The following IMMP2L variants were observed in gnomAD, a reference collection of about 807,000 sequenced individuals.
IMMP2L encodes inner mitochondrial membrane peptidase subunit 2.
In IMMP2L, 18 loss-of-function variants were observed where a neutral mutation model predicts 19.3. That is an observed-to-expected ratio of 0.93 (90% CI 0.64 to 1.38). IMMP2L has a LOEUF of 1.38. IMMP2L is among the 40% of genes most tolerant of loss of function. IMMP2L has a pLI of 0.00. For synonymous variants in IMMP2L, 76 were observed against 73.0 expected (o/e 1.04, Z -0.21); for missense variants, 233 against 218.2 (o/e 1.07, Z -0.43).
intron 3 of IMMP2L, among the ~76,000 whole-genome samples, chr7:111,049,553 C>G (rs61079368): frequency 6.6e-6 from 1 of 152,284 alleles, no homozygotes. Flanking sequence ...GTTGTCATTA[C>G]TTCAGAATGT....
intron 5 of IMMP2L, among the ~76,000 whole-genome samples, chr7:110,864,191 C>T (rs1357058283): frequency 1.3e-5 from 2 of 151,858 alleles, no homozygotes; most frequent in Admixed American, 6.6e-5. Flanking sequence ...AGAAAAATAC[C>T]AAAGTTCAGT....
At chr7:111,141,932 G>T (rs1375909961) in intron 3 of IMMP2L, among the ~76,000 whole-genome samples, 2 of 152,046 alleles carry the variant, frequency 1.3e-5, no homozygotes, top group East Asian at 3.9e-4. Flanking sequence ...TCGAACTCTT[G>T]GCCTCAAGAG....
intron 1 of IMMP2L, among the ~76,000 whole-genome samples, chr7:111,549,582 ATCT>A (rs1287892026): frequency 2.0e-5 from 3 of 152,198 alleles, no homozygotes; most frequent in Non-Finnish European, 4.4e-5. Flanking sequence ...GTCTCAAAAA[ATCT>A]TCTAATATGT....
chr7:110,694,565 C>T (rs12056219), intron 5 of IMMP2L, among the ~76,000 whole-genome samples: 33,172 of 151,942 alleles, frequency 0.22, 4,127 homozygotes, highest in Non-Finnish European at 0.28. Flanking sequence ...ATTATTAAGG[C>T]TTTCTGAGAA....
At chr7:111,218,012 A>G (rs1461682881) in intron 3 of IMMP2L, among the ~76,000 whole-genome samples, 22 of 152,020 alleles carry the variant, frequency 1.4e-4, no homozygotes, top group Non-Finnish European at 1.3e-4. Context: ...GGAAAATGCT[A>G]TTGCCTTTTT....
intron 3 of IMMP2L, among the ~76,000 whole-genome samples, chr7:111,415,062 G>A (rs746940872): frequency 2.6e-5 from 4 of 151,862 alleles, no homozygotes; most frequent in Non-Finnish European, 5.9e-5. Context: ...CTTCGAGTTT[G>A]TCAAAACAGA....
At chr7:111,085,952 A>G (rs1796286426) in intron 3 of IMMP2L, among the ~76,000 whole-genome samples, 2 of 152,142 alleles carry the variant, frequency 1.3e-5, no homozygotes, top group Non-Finnish European at 2.9e-5. Flanking sequence ...ATCAACAGCC[A>G]CTGGTGCCTC....
At chr7:111,487,387 A>C in intron 2 of IMMP2L, 46 bp from the exon 3 acceptor site, 2 of 1,129,564 alleles carry the variant, frequency 1.8e-6, no homozygotes, top group Non-Finnish European at 2.7e-6. Flanking sequence ...TGTATTTTTC[A>C]ATCTTCATGG....
intron 3 of IMMP2L, among the ~76,000 whole-genome samples, chr7:111,187,911 A>T (rs749899389): frequency 1.1e-4 from 17 of 152,280 alleles, no homozygotes; most frequent in Admixed American, 2.0e-4. Context: ...AGTTAGAGTA[A>T]GATTTACATC....
chr7:111,051,592 T>C (rs2129572971), intron 3 of IMMP2L, among the ~76,000 whole-genome samples: 1 of 152,260 alleles, frequency 6.6e-6, no homozygotes, highest in South Asian at 2.1e-4. Flanking sequence ...TATTTGAAAA[T>C]CTCCTGGGGA....
At chr7:111,352,034 A>G (rs1174665580) in intron 3 of IMMP2L, among the ~76,000 whole-genome samples, 2 of 152,166 alleles carry the variant, frequency 1.3e-5, no homozygotes, top group Non-Finnish European at 2.9e-5. Context: ...TACTTTTTCC[A>G]GTTGCATTTT....
chr7:111,500,559 T>G (rs1362172182), intron 2 of IMMP2L, among the ~76,000 whole-genome samples: 1 of 152,150 alleles, frequency 6.6e-6, no homozygotes. Context: ...CATCCGCCAG[T>G]ACGGGCAGAC....
At chr7:110,793,651 C>T (rs142014382) in intron 5 of IMMP2L, among the ~76,000 whole-genome samples, 43 of 151,920 alleles carry the variant, frequency 2.8e-4, no homozygotes, top group African/African-American at 9.6e-4. Context: ...ATGAGTAAGT[C>T]TAGAGATGTA....
intron 3 of IMMP2L, among the ~76,000 whole-genome samples, chr7:111,211,412 T>A (rs1811295087): frequency 6.6e-6 from 1 of 151,688 alleles, no homozygotes. Flanking sequence ...ACACTTTGAG[T>A]TTAAAGCATG....
At chr7:110,739,997 A>G (rs1465646433) in intron 5 of IMMP2L, among the ~76,000 whole-genome samples, 11 of 152,220 alleles carry the variant, frequency 7.2e-5, no homozygotes, top group Admixed American at 6.5e-4. Flanking sequence ...TGGAAATTTA[A>G]AAGTTCTTTG....
intron 3 of IMMP2L, among the ~76,000 whole-genome samples, chr7:111,352,097 T>A (rs1828222305): frequency 6.6e-6 from 1 of 152,136 alleles, no homozygotes; most frequent in African/African-American, 2.4e-5. Flanking sequence ...AACCAAGACA[T>A]ATGTGTAAAA....
At chr7:110,824,430 TA>T (rs2131349939) in intron 5 of IMMP2L, among the ~76,000 whole-genome samples, 1 of 152,256 alleles carries the variant, frequency 6.6e-6, no homozygotes, top group East Asian at 1.9e-4. Context: ...TAACTATTTT[TA>T]ATGTTTGCAA....
In IMMP2L at chr7:111,547,505, ACC is replaced by A. The variant is rs36099268; in HGVS notation, c.-3+14344_-3+14345del. On this transcript the variant is annotated intron_variant, in intron 1 of 5. Coordinates refer to ENST00000405709, the MANE Select transcript of IMMP2L (RefSeq NM_032549.4). ...CATTGTAGGCTAAACAAACTGTCAT[ACC>A]CCCCCCCCCTTTTTATCCTGCTTTT... Among the ~76,000 whole-genome samples, 1,070 of 135,522 alleles carry A rather than the reference ACC, an allele frequency of 7.9e-3. 13 individuals are homozygous for A. Among genetic ancestry groups the A allele is most frequent in the African/African-American group, 0.012 (424 of 35,554 alleles). 88.9% of individuals were successfully genotyped at this position (135,522 alleles called of 152,430 possible). A position where few individuals can be genotyped will look rare whatever the true frequency, so the allele number is the denominator to read the frequency against.
intron 3 of IMMP2L, among the ~76,000 whole-genome samples, chr7:111,000,726 C>T (rs989710830): frequency 7.2e-5 from 11 of 151,960 alleles, no homozygotes; most frequent in African/African-American, 2.7e-4. Flanking sequence ...TGCCTGTAAT[C>T]CCAGCTACAC....
Sources: gnomAD v4.1 joint callset for allele counts (sites outside exome capture counted in the v4.1 genomes callset) on GRCh38, gnomAD v4.1.1 for gene constraint, MANE v1.5 for transcripts, NCBI Gene and HGNC (gene_info 2026-07-23, HGNC 2026-07-21) for gene names.